Variants in CILP2 observed in about 807,000 individuals in gnomAD.
CILP2 encodes cartilage intermediate layer protein 2.
A neutral mutation model predicts 45.6 loss-of-function variants in CILP2; 38 were observed. The ratio of observed to expected loss-of-function variants is 0.83; its 90% confidence interval spans 0.64 to 1.09. The LOEUF (loss-of-function observed/expected upper bound fraction) is 1.09. Among genes scored for constraint, CILP2 ranks in the 50% least tolerant of loss-of-function variants. The pLI is 0.00. For synonymous variants in CILP2, 780 were observed against 723.5 expected, an observed-to-expected ratio of 1.08 and a Z score of -1.25; for missense variants, 1,735 against 1,662.2, an observed-to-expected ratio of 1.04 and a Z score of -0.76.
At position 19,544,795 on chromosome 19, in the gene CILP2, C is replaced by T. The variant is rs756830121; in HGVS notation, c.2250C>T (p.Thr750=). The change falls in exon 8 of 8, where the codon ACC becomes ACT. Residue 750 remains threonine, a synonymous_variant. Transcript: ENST00000291495. ...KVRAYANDKF[T]PSEQVEGVVV... is the part of the protein sequence containing the mutation. ...GCGCCTACGCCAACGACAAGTTCAC[C>T]CCCAGCGAGCAGGTGGAGGGCGTGG... The T allele has an allele frequency of 2.5e-6, 4 of 1,605,626 alleles. No homozygotes were observed. The highest frequency in any genetic ancestry group is 3.3e-5 in the Admixed American group (2 of 59,962).
In CILP2 at chr19:19,545,627, CG is replaced by C; in HGVS notation, c.3085del (p.Asp1029IlefsTer3). 6.2e-7 allele frequency: 1 copy of C among 1,607,994 alleles called. No homozygotes were observed. Among genetic ancestry groups the C allele is most frequent in the East Asian group, 2.2e-5 (1 of 44,648 alleles). The stretch of plus-strand genomic sequence containing the variant: ...GCGCGTGGCCGTCAACGGACTCCTT[CG>C]GGATTACCTGACCCGGCACCCCCCA... ...CRRVAVNGLL[R>X]DYLTRHPPPV... On this transcript the variant is annotated frameshift_variant, in exon 8 of 8. Transcript: ENST00000291495. LOFTEE classifies it low-confidence loss of function (END_TRUNC).
At chr19:19,541,274 G>C in intron 4 of CILP2, 28 bp downstream of exon 4, 2 of 1,280,132 alleles carry the variant, frequency 1.6e-6, no homozygotes, top group Non-Finnish European at 2.0e-6. Flanking sequence ...TGGAGGCTGG[G>C]ACCTGTACAG....
In CILP2 at chr19:19,540,972, C is replaced by T. The variant is rs138484119; in HGVS notation, c.437-119C>T. Reference sequence around the variant, plus strand: ...TGGCAGATCTGCTCTCTGGAGTGTCCGCCCTTGGATGCACATATGTGAGGG... The same window carrying T: ...TGGCAGATCTGCTCTCTGGAGTGTCTGCCCTTGGATGCACATATGTGAGGG... On this transcript the variant is annotated intron_variant, in intron 3 of 7. Transcript: ENST00000291495. 2.3e-3 allele frequency: 2,187 copies of T among 957,544 alleles called. 40 individuals are homozygous for T. The African/African-American group carries it at 0.032, about 14-fold the overall frequency. The allele number at this position is 957,544 out of a possible 1,614,324, so 59.3% of individuals were successfully genotyped here.
Position 19,540,394 on chromosome 19 carries a change from G to T in CILP2, c.354G>T (p.Thr118=), listed in dbSNP as rs1377851614. The change falls in exon 3 of 8, where the codon ACG becomes ACT. Residue 118 remains threonine, a synonymous_variant. Coordinates refer to ENST00000291495, the MANE Select transcript of CILP2 (RefSeq NM_153221.2). ...GCGAGCGCGTGCACTTGAACCCCAC[G>T]CGCGGCTTCTGGTGCCTCAACCGCG... ...AVGERVHLNP[T]RGFWCLNREQ... The T allele has an allele frequency of 2.0e-6, 3 of 1,523,254 alleles. No homozygotes were observed. The highest frequency in any genetic ancestry group is 1.2e-5 in the South Asian group (1 of 83,206). The allele number at this position is 1,523,254 out of a possible 1,614,324, so 94.4% of individuals were successfully genotyped here. A position where few individuals can be genotyped will look rare whatever the true frequency, so the allele number is the denominator to read the frequency against.
chr19:19,543,023 A>G (rs986262226), intron 6 of CILP2, 51 bp downstream of exon 6: 1 of 1,227,402 alleles, frequency 8.1e-7, no homozygotes. Context: ...TTGGGGTTAG[A>G]TTCAATTTCA....
Position 19,543,883 on chromosome 19 carries a change from G to A in CILP2, c.1338G>A (p.Arg446=), listed in dbSNP as rs572389920. The A allele has an allele frequency of 2.5e-6, 4 of 1,613,864 alleles. No individual in the cohort carries two copies. Among genetic ancestry groups the A allele is most frequent in the South Asian group, 2.2e-5 (2 of 91,082 alleles). Residue 446 remains arginine (R), a synonymous_variant, in exon 8 of 8, where the codon AGG becomes AGA. Coordinates refer to ENST00000291495, the MANE Select transcript of CILP2 (RefSeq NM_153221.2). Reference sequence around the variant, plus strand: ...GCTCTGTGCGCCGTCTGGAGAGAAGGGAGATTCACTGCCCTGGCTACGTCC... The same window carrying A: ...GCTCTGTGCGCCGTCTGGAGAGAAGAGAGATTCACTGCCCTGGCTACGTCC... ...RCCSVRRLER[R]EIHCPGYVLP... is the part of the protein sequence containing the mutation.
At chr19:19,538,528 G>A in intron 1 of CILP2, 115 bp downstream of exon 1, 1 of 798,322 alleles carries the variant, frequency 1.3e-6, no homozygotes, top group Non-Finnish European at 1.8e-6. Context: ...GCTTCCCCGG[G>A]GACTGGGTCC....
Position 19,544,846 on chromosome 19 carries a change from C to T in CILP2, c.2301C>T (p.Pro767=), listed in dbSNP as rs1448747278. 2 of 1,599,068 alleles carry T rather than the reference C, an allele frequency of 1.3e-6. No homozygotes were observed. The highest frequency in any genetic ancestry group is 1.3e-5 in the African/African-American group (1 of 74,928). ...GVVVTLVNLE[P]APGFSANPRA... ...TGGTCACGCTGGTCAATCTGGAGCC[C>T]GCCCCCGGCTTCTCCGCCAACCCCC... Residue 767 remains proline (P), a synonymous_variant, in exon 8 of 8, where the codon CCC becomes CCT. Transcript: ENST00000291495.
chr19:19,544,980 C>T lies in CILP2; in HGVS notation c.2435C>T (p.Thr812Ile). The change falls in exon 8 of 8, where the codon ACC (threonine) becomes ATC (isoleucine). Residue 812 changes from threonine (T) to isoleucine (I), a missense_variant. Thr to Ile is a moderately conservative substitution (Grantham distance 89). Transcript: ENST00000291495. Reference sequence around the variant, plus strand: ...GCCTACACCGCCCTGGTCACCGCCACCCTGGGCGGCGAGGAGCTGGAGCCG... The same window carrying T: ...GCCTACACCGCCCTGGTCACCGCCATCCTGGGCGGCGAGGAGCTGGAGCCG... ...PDAYTALVTA[T>I]LGGEELEPAP... is the part of the protein sequence containing the mutation. The T allele has an allele frequency of 1.9e-6, 3 of 1,597,406 alleles. No individual in the cohort carries two copies. Among genetic ancestry groups the T allele is most frequent in the South Asian group, 1.1e-5 (1 of 90,492 alleles).
chr19:19,540,686 C>A, intron 3 of CILP2: 8 of 595,438 alleles, frequency 1.3e-5, no homozygotes, highest in Non-Finnish European at 2.1e-5. Context: ...CTGGGAACAG[C>A]GCGGGGCCCA....
rs760845567 is a variant in CILP2, at chr19:19,544,893, G to A, written c.2348G>A (p.Ser783Asn). 6.3e-6 allele frequency: 10 copies of A among 1,589,316 alleles called. No individual in the cohort carries two copies. In the Admixed American group the frequency reaches 1.4e-4, roughly 22 times the overall value. ...CCCCGTGCCTGGGGCCGCTTTGACA[G>A]CGCGGTCACCGGCCCCAATGGCGCC... is the stretch of plus-strand genomic sequence containing the variant. ...ANPRAWGRFD[S>N]AVTGPNGACL... The change falls in exon 8 of 8, where the codon AGC (serine) becomes AAC (asparagine). Residue 783 changes from serine to asparagine, a missense_variant. Coordinates refer to ENST00000291495, the MANE Select transcript of CILP2 (RefSeq NM_153221.2).
In CILP2 at chr19:19,544,978, C is replaced by T. The variant is rs1295108902; in HGVS notation, c.2433C>T (p.Ala811=). Residue 811 remains alanine (A), a synonymous_variant, in exon 8 of 8, where the codon GCC becomes GCT. Coordinates refer to ENST00000291495, the MANE Select transcript of CILP2 (RefSeq NM_153221.2). ...ACGCCTACACCGCCCTGGTCACCGC[C>T]ACCCTGGGCGGCGAGGAGCTGGAGC... The part of the protein sequence containing the change: ...RPDAYTALVT[A]TLGGEELEPA... 1 of 1,597,352 alleles carries T rather than the reference C, an allele frequency of 6.3e-7. No individual in the cohort carries two copies. The highest frequency in any genetic ancestry group is 1.7e-5 in the Admixed American group (1 of 59,516).
chr19:19,543,601 G>C lies in CILP2; in HGVS notation c.1136-80G>C, dbSNP rs1382456942. 7.6e-6 allele frequency: 11 copies of C among 1,450,038 alleles called. 1 individual carries two copies. The African/African-American group carries it at 1.1e-4, about 15-fold the overall frequency. 89.8% of individuals were successfully genotyped at this position (1,450,038 alleles called of 1,614,324 possible). A position where few individuals can be genotyped will look rare whatever the true frequency, so the allele number is the denominator to read the frequency against. ...CCCCTGTCCCTTAGGTGGAGTCCTT[G>C]ACTGCAGACAGAGTCCCCAGCCTTG... On this transcript the variant is annotated intron_variant, in intron 7 of 7. Coordinates refer to ENST00000291495, the MANE Select transcript of CILP2 (RefSeq NM_153221.2).
Position 19,540,391 on chromosome 19 carries a change from CA to C in CILP2, c.352del (p.Thr118ArgfsTer28). ...AVGERVHLNPTRGFWCLNREQ... is the reference protein window; with the variant it reads ...AVGERVHLNPXRGFWCLNREQ... ...TCGGCGAGCGCGTGCACTTGAACCC[CA>C]CGCGCGGCTTCTGGTGCCTCAACCG... is the stretch of plus-strand genomic sequence containing the variant. On this transcript the variant is annotated frameshift_variant, in exon 3 of 8. Transcript: ENST00000291495. LOFTEE classifies it high-confidence loss of function. The C allele has an allele frequency of 6.6e-7, 1 of 1,525,288 alleles. No individual in the cohort carries two copies. Among genetic ancestry groups the C allele is most frequent in the Non-Finnish European group, 8.8e-7 (1 of 1,140,198 alleles). The allele number at this position is 1,525,288 out of a possible 1,614,324, so 94.5% of individuals were successfully genotyped here.
rs1412010530 is a variant in CILP2 at position 19,541,203 on chromosome 19, G to C, written c.549G>C (p.Gly183=). The C allele has an allele frequency of 1.6e-6, 2 of 1,277,656 alleles. No homozygotes were observed. The highest frequency in any genetic ancestry group is 2.0e-6 in the Non-Finnish European group (2 of 1,011,096). 79.1% of individuals were successfully genotyped at this position (1,277,656 alleles called of 1,614,324 possible). The change falls in exon 4 of 8, where the codon GGG becomes GGC. Residue 183 remains glycine, a synonymous_variant. Coordinates refer to ENST00000291495, the MANE Select transcript of CILP2 (RefSeq NM_153221.2). Reference sequence around the variant, plus strand: ...GCCCCGCTGGGGATGCGTGTCCCGGGCGTCCTCTGGAGGCGCAGAAGTGCG... The same window carrying C: ...GCCCCGCTGGGGATGCGTGTCCCGGCCGTCCTCTGGAGGCGCAGAAGTGCG... ...CPSPAGDACP[G]RPLEAQKCVR...
chr19:19,545,111 C>T lies in CILP2; in HGVS notation c.2566C>T (p.Arg856Cys). 6.2e-7 allele frequency: 1 copy of T among 1,611,968 alleles called. No individual in the cohort carries two copies. The highest frequency in any genetic ancestry group is 1.1e-5 in the South Asian group (1 of 90,974). The change falls in exon 8 of 8, where the codon CGT (arginine) becomes TGT (cysteine). Residue 856 changes from arginine to cysteine, a missense_variant. Coordinates refer to ENST00000291495, the MANE Select transcript of CILP2 (RefSeq NM_153221.2). The part of the protein sequence containing the change: ...RTDHDDPAFK[R>C]NGFRINLAKP... ...GGACCACGACGATCCCGCCTTCAAG[C>T]GTAACGGCTTCCGCATCAACCTCGC...
chr19:19,542,644 A>AAGTTGGGTAAG lies in CILP2; in HGVS notation c.863_868+5dup. On this transcript the variant is annotated frameshift_variant, in exon 5 of 8. Coordinates refer to ENST00000291495, the MANE Select transcript of CILP2 (RefSeq NM_153221.2). LOFTEE classifies it high-confidence loss of function. Reference sequence around the variant, plus strand: ...CTCTGTGGTCACCATCATCCTTGATAAGTTGGGTAAGCACCCTTGCAACAT... The same window carrying AAGTTGGGTAAG: ...CTCTGTGGTCACCATCATCCTTGATAAGTTGGGTAAGAGTTGGGTAAGCACCCTTGCAACAT... 1 of 1,613,094 alleles carries AAGTTGGGTAAG rather than the reference A, an allele frequency of 6.2e-7. No individual in the cohort carries two copies. Among genetic ancestry groups the AAGTTGGGTAAG allele is most frequent in the Middle Eastern group, 1.7e-4 (1 of 5,982 alleles).
Position 19,538,325 on chromosome 19 carries a change from C to T in CILP2, c.-25C>T, listed in dbSNP as rs374912749. The T allele has an allele frequency of 1.9e-6, 3 of 1,567,958 alleles. No individual in the cohort carries two copies. Among genetic ancestry groups the T allele is most frequent in the Non-Finnish European group, 1.7e-6 (2 of 1,165,404 alleles). ...CCGAGCACGCCGCGGAGCCCGGACC[C>T]TCCCTCGGACGCTCTGCCCCGGCCA... On this transcript the variant is annotated 5_prime_UTR_variant, in exon 1 of 8. Transcript: ENST00000291495.
In CILP2 at chr19:19,546,110, A is replaced by G. The variant is rs2144681168; in HGVS notation, c.*94A>G. On this transcript the variant is annotated 3_prime_UTR_variant, in exon 8 of 8. Coordinates refer to ENST00000291495, the MANE Select transcript of CILP2 (RefSeq NM_153221.2). ...TTCTTCTCCAGACAGCCCCCTCCCC[A>G]GGTGTCTGGGTCCCCTTTCCCGCCC... 2 of 1,096,064 alleles carry G rather than the reference A, an allele frequency of 1.8e-6. No individual in the cohort carries two copies. Among genetic ancestry groups the G allele is most frequent in the Non-Finnish European group, 2.4e-6 (2 of 824,722 alleles). 67.9% of individuals were successfully genotyped at this position (1,096,064 alleles called of 1,614,324 possible).
Sources: allele counts gnomAD v4.1 joint callset, GRCh38; gene constraint gnomAD v4.1.1; transcripts MANE v1.5; gene names NCBI Gene and HGNC (gene_info 2026-07-23, HGNC 2026-07-21).